The following ABCC6 variants were observed in gnomAD, a reference collection of about 807,000 sequenced individuals.
ABCC6 encodes the protein ATP binding cassette subfamily C member 6.
Under a neutral mutation model 169.5 loss-of-function variants are expected in ABCC6, and 126 were observed. That is an observed-to-expected ratio of 0.74 (90% CI 0.64 to 0.86). ABCC6 has a LOEUF of 0.86. ABCC6 is among the 40% of genes least tolerant of loss of function. The probability of loss-of-function intolerance (pLI) is 0.00; values close to 1 mark genes in which losing one functional copy is unlikely to be tolerated. For synonymous variants in ABCC6, 752 were observed against 814.7 expected (o/e 0.92, Z 1.31); for missense variants, 1,733 against 1,927.2 (o/e 0.90, Z 1.89).
chr16:16,165,783 G>C lies in ABCC6; in HGVS notation c.3146C>G (p.Ser1049Cys). ...CACGTCAACCGTGTCTGTCTCCTTGGAGAAGCGGTTTAGCAGGTGACCAAT... is the reference window on the plus strand; with the variant it reads ...CACGTCAACCGTGTCTGTCTCCTTGCAGAAGCGGTTTAGCAGGTGACCAAT... ...TPIGHLLNRFSKETDTVDVDI... is the reference protein window; with the variant it reads ...TPIGHLLNRFCKETDTVDVDI... Residue 1049 changes from serine to cysteine, a missense_variant, in exon 23 of 31, where the codon TCC becomes TGC. Ser to Cys is a moderately radical substitution (Grantham distance 112). Coordinates refer to ENST00000205557, the MANE Select transcript of ABCC6 (RefSeq NM_001171.6). 1.2e-6 allele frequency: 2 copies of C among 1,613,784 alleles called. No homozygotes were observed. The highest frequency in any genetic ancestry group is 1.1e-5 in the South Asian group (1 of 91,090).
At chr16:16,178,997 CAG>C (rs751661014) in intron 17 of ABCC6, 32 bp from the exon 18 acceptor site, 2 of 1,606,942 alleles carry the variant, frequency 1.2e-6, no homozygotes, top group South Asian at 1.1e-5. Flanking sequence ...TGGCCTGAGT[CAG>C]CATCTACAGG....
chr16:16,204,183 G>A (rs4780613), intron 7 of ABCC6, among the ~76,000 whole-genome samples: 13 of 151,988 alleles, frequency 8.6e-5, no homozygotes, highest in African/African-American at 2.7e-4. Context: ...AGCCTCTCGA[G>A]TAGCTGGGAT....
chr16:16,150,737 G>T lies in ABCC6; in HGVS notation c.4244C>A (p.Ala1415Asp), dbSNP rs1157100959. ...GAGGATCTGGGTCTTCCGGAGAAGG[G>T]CACGTGCCAGACACAGGAGCTGTTT... ...GQKQLLCLARALLRKTQILIL... is the reference protein window; with the variant it reads ...GQKQLLCLARDLLRKTQILIL... Residue 1415 changes from alanine to aspartate, a missense_variant, in exon 30 of 31, where the codon GCC becomes GAC. Physicochemically the swap from Ala to Asp is moderately radical, Grantham distance 126 (BLOSUM62 -2). This residue lies in a region of ABCC6 where 1,601 missense variants were observed against 1,635.5 expected (regional missense o/e 0.98). Coordinates refer to ENST00000205557, the MANE Select transcript of ABCC6 (RefSeq NM_001171.6). The T allele has an allele frequency of 6.2e-7, 1 of 1,613,884 alleles. No homozygotes were observed. Among genetic ancestry groups the T allele is most frequent in the Non-Finnish European group, 8.5e-7 (1 of 1,179,942 alleles).
At chr16:16,159,701 G>C (rs1309479926) in intron 25 of ABCC6, 118 bp from the exon 26 acceptor site, 6 of 863,934 alleles carry the variant, frequency 6.9e-6, no homozygotes, top group Non-Finnish European at 1.1e-5. Context: ...AAGAGGGGAG[G>C]CAGGAATGGG....
At chr16:16,184,459 G>C (rs574175884) in intron 15 of ABCC6, among the ~76,000 whole-genome samples, 7 of 152,254 alleles carry the variant, frequency 4.6e-5, no homozygotes, top group African/African-American at 1.7e-4. Flanking sequence ...GATGAAGTGA[G>C]TGAATGACAA....
chr16:16,170,925 AAAAAAAAAAAAAAAAAGAAAG>A lies in ABCC6; in HGVS notation c.2788-1093_2788-1073del, dbSNP rs1446455091. ...CAAGAGTGAAACTCTGTCTCAAAAAAAAAAAAAAAAAAAAAAGAAAGAAAGAAAGAAAGAAAGAAAGAAAGA... is the reference window on the plus strand; with the variant it reads ...CAAGAGTGAAACTCTGTCTCAAAAAAAAAGAAAGAAAGAAAGAAAGAAAGA... On this transcript the variant is annotated intron_variant, in intron 21 of 30. Coordinates refer to ENST00000205557, the MANE Select transcript of ABCC6 (RefSeq NM_001171.6). Among the ~76,000 whole-genome samples the A allele has an allele frequency of 3.0e-5, 3 of 100,116 alleles. No individual in the cohort carries two copies. The East Asian group carries it at 8.7e-4, about 29-fold the overall frequency. The allele number at this position is 100,116 out of a possible 152,430, so 65.7% of individuals were successfully genotyped here.
At chr16:16,183,035 C>T (rs1388767213) in intron 15 of ABCC6, 105 bp from the exon 16 acceptor site, 4 of 1,558,844 alleles carry the variant, frequency 2.6e-6, no homozygotes, top group Non-Finnish European at 3.5e-6. Flanking sequence ...CTGGGAGTCT[C>T]CAAGAGGACC....
rs202009679 is a variant in ABCC6 at position 16,198,211 on chromosome 16, A to C, written c.1177-29T>G. 32 of 1,565,166 alleles carry C rather than the reference A, an allele frequency of 2.0e-5. No homozygotes were observed. In the East Asian group the frequency reaches 7.1e-4, roughly 35 times the overall value. On this transcript the variant is annotated intron_variant, in intron 9 of 30. Transcript: ENST00000205557. ...GCGGGTGGGCAGAAGGAGAGAAGTA[A>C]AGTGGGGAGGCCGGGGCAGAGGGAT...
At chr16:16,197,893 C>A in intron 10 of ABCC6, 128 bp downstream of exon 10, 1 of 1,138,480 alleles carries the variant, frequency 8.8e-7, no homozygotes, top group Non-Finnish European at 1.3e-6. Flanking sequence ...ACCCTGGGGT[C>A]ACAGCGGACC....
intron 11 of ABCC6, among the ~76,000 whole-genome samples, chr16:16,191,040 A>C (rs987192961): frequency 6.7e-6 from 1 of 149,808 alleles, no homozygotes; most frequent in East Asian, 2.0e-4. Context: ...TGGCACTTTA[A>C]AGTCAGGCAG....
At chr16:16,192,963 G>T in intron 10 of ABCC6, 41 bp from the exon 11 acceptor site, 1 of 1,567,270 alleles carries the variant, frequency 6.4e-7, no homozygotes, top group Non-Finnish European at 8.8e-7. Flanking sequence ...ATCCCGAGGA[G>T]CCCAGCTCTC....
At position 16,185,092 on chromosome 16, in the gene ABCC6, G is replaced by A. The variant is rs927500698; in HGVS notation, c.1868-58C>T. ...CCCTGACCTGGCCGGCCTCTGCATC[G>A]GAGAGGCCCCCAGGCACCATCCCCC... On this transcript the variant is annotated intron_variant, in intron 14 of 30. Transcript: ENST00000205557. The A allele has an allele frequency of 1.9e-5, 29 of 1,504,700 alleles. No homozygotes were observed. The African/African-American group carries it at 2.0e-4, about 10-fold the overall frequency. 93.2% of individuals were successfully genotyped at this position (1,504,700 alleles called of 1,614,324 possible). A position where few individuals can be genotyped will look rare whatever the true frequency, so the allele number is the denominator to read the frequency against.
intron 10 of ABCC6, 60 bp from the exon 11 acceptor site, chr16:16,192,982 G>T: frequency 3.5e-6 from 5 of 1,420,892 alleles, no homozygotes; most frequent in Middle Eastern, 2.0e-4. Flanking sequence ...TCAGAGGCAC[G>T]TGAACCAGAG....
At chr16:16,181,531 A>G (rs1373139408) in intron 17 of ABCC6, among the ~76,000 whole-genome samples, 1 of 152,078 alleles carries the variant, frequency 6.6e-6, no homozygotes, top group Non-Finnish European at 1.5e-5. Context: ...CAGCAGTGCA[A>G]AGGCCCTGGG....
At chr16:16,196,415 A>G (rs1328943382) in intron 10 of ABCC6, among the ~76,000 whole-genome samples, 1 of 152,180 alleles carries the variant, frequency 6.6e-6, no homozygotes, top group Non-Finnish European at 1.5e-5. Context: ...AAAAGCATCT[A>G]CTGTCTTATC....
Position 16,177,464 on chromosome 16 carries a change from T to G in ABCC6, c.2578A>C (p.Arg860=). 6.2e-7 allele frequency: 1 copy of G among 1,614,164 alleles called. No homozygotes were observed. The highest frequency in any genetic ancestry group is 1.1e-5 in the South Asian group (1 of 91,086). Residue 860 remains arginine, a synonymous_variant, in exon 19 of 31, where the codon AGA becomes CGA. Coordinates refer to ENST00000205557, the MANE Select transcript of ABCC6 (RefSeq NM_001171.6). ...GCCCACCTAGTACCTCCTTCTCCTC[T>G]ATCTCCTGGCTGTCTGGCTTGATCC... The part of the protein sequence containing the change: ...LLDQARQPGD[R]GEGETEPGTS...
chr16:16,187,282 C>G (rs2047681622), intron 13 of ABCC6, 71 bp from the exon 14 acceptor site: 1 of 1,296,930 alleles, frequency 7.7e-7, no homozygotes, highest in Admixed American at 1.9e-5. Flanking sequence ...GTCGGTGTCT[C>G]AAGATGTGTG....
rs781369291 is a variant in ABCC6 at position 16,187,185 on chromosome 16, G to GACCAGAC, written c.1799_1805dup (p.Thr603SerfsTer11). 6.2e-6 allele frequency: 10 copies of GACCAGAC among 1,613,692 alleles called. No individual in the cohort carries two copies. The South Asian group carries it at 1.1e-4, about 18-fold the overall frequency. ...CAACTTCTTCCAGGCAGAGGAAGGT[G>GACCAGAC]ACCAGACGGTCAAAGGACACCCGGG... On this transcript the variant is annotated frameshift_variant, in exon 14 of 31. Transcript: ENST00000205557. LOFTEE classifies it high-confidence loss of function.
intron 20 of ABCC6, 138 bp downstream of exon 20, chr16:16,175,773 C>G: frequency 1.1e-6 from 1 of 876,526 alleles, no homozygotes; most frequent in Admixed American, 2.8e-5. Flanking sequence ...CAGCAGGGCA[C>G]CATGGGGGGG....
Sources: allele counts gnomAD v4.1 joint callset (sites outside exome capture counted in the v4.1 genomes callset), GRCh38; gene constraint gnomAD v4.1.1; regional missense constraint gnomAD v4.1.1; transcripts MANE v1.5; gene names NCBI Gene and HGNC (gene_info 2026-07-23, HGNC 2026-07-21).